Variants in CNTNAP2 observed in about 807,000 individuals in gnomAD.
The protein encoded by CNTNAP2 is contactin-associated protein-like 2.
In CNTNAP2, 98 loss-of-function variants were observed where a neutral mutation model predicts 155.2. The ratio of observed to expected loss-of-function variants is 0.63; its 90% CI spans 0.54 to 0.75. The LOEUF (loss-of-function observed/expected upper bound fraction) is 0.75, where lower values mean the gene tolerates loss of function less well. CNTNAP2 is among the 30% of genes least tolerant of loss of function. The pLI is 0.00. For missense variants in CNTNAP2, 1,727 were observed against 1,688.1 expected (o/e 1.02, Z -0.40); for synonymous variants, 651 against 631.2 (o/e 1.03, Z -0.47).
chr7:147,595,538 G>A (rs983983146), intron 12 of CNTNAP2, among the ~76,000 whole-genome samples: 1 of 152,170 alleles, frequency 6.6e-6, no homozygotes, highest in African/African-American at 2.4e-5. Context: ...CCCTACTGAT[G>A]TACATCATCT....
intron 1 of CNTNAP2, among the ~76,000 whole-genome samples, chr7:146,270,348 G>C (rs891019284): frequency 4.6e-5 from 7 of 152,144 alleles, no homozygotes; most frequent in African/African-American, 1.7e-4. Flanking sequence ...TGTGTGCTAG[G>C]TAAAATGAAT....
intron 1 of CNTNAP2, among the ~76,000 whole-genome samples, chr7:146,326,183 T>G (rs1801094495): frequency 6.6e-6 from 1 of 152,064 alleles, no homozygotes; most frequent in Non-Finnish European, 1.5e-5. Flanking sequence ...CGCATACACA[T>G]ACACATGCAC....
intron 1 of CNTNAP2, among the ~76,000 whole-genome samples, chr7:146,339,418 G>A (rs888334780): frequency 6.6e-6 from 1 of 151,900 alleles, no homozygotes; most frequent in Non-Finnish European, 1.5e-5. Flanking sequence ...TTCTTTTATG[G>A]GATATACAAT....
intron 1 of CNTNAP2, among the ~76,000 whole-genome samples, chr7:146,465,602 A>G (rs1051075197): frequency 6.6e-6 from 1 of 152,182 alleles, no homozygotes; most frequent in African/African-American, 2.4e-5. Context: ...TATGTGTGGC[A>G]GAATCACTTC....
At chr7:146,679,661 G>T (rs940050172) in intron 1 of CNTNAP2, among the ~76,000 whole-genome samples, 2 of 151,908 alleles carry the variant, frequency 1.3e-5, no homozygotes, top group East Asian at 3.9e-4. Context: ...GGCTGATCTT[G>T]TTTCTTTCTC....
chr7:147,482,651 G>GC (rs1348124817), intron 10 of CNTNAP2, among the ~76,000 whole-genome samples: 4 of 151,908 alleles, frequency 2.6e-5, no homozygotes, highest in Non-Finnish European at 4.4e-5. Flanking sequence ...AACCCAGGAG[G>GC]CAGAGCTTGC....
At chr7:146,334,566 G>T (rs759818958) in intron 1 of CNTNAP2, among the ~76,000 whole-genome samples, 4 of 143,418 alleles carry the variant, frequency 2.8e-5, no homozygotes, top group Non-Finnish European at 4.5e-5. Context: ...AAAAATAAAA[G>T]GTTATGAATT....
At chr7:146,842,102 C>T (rs571727455) in intron 3 of CNTNAP2, among the ~76,000 whole-genome samples, 1 of 151,900 alleles carries the variant, frequency 6.6e-6, no homozygotes, top group African/African-American at 2.4e-5. Context: ...GGTCAGTCTG[C>T]TCTTGAATTC....
At chr7:148,162,790 G>A (rs1805574697) in intron 17 of CNTNAP2, among the ~76,000 whole-genome samples, 1 of 152,096 alleles carries the variant, frequency 6.6e-6, no homozygotes, top group East Asian at 1.9e-4. Flanking sequence ...CCATCCAGTA[G>A]TTCAAGATCA....
At chr7:148,022,402 G>A (rs1802296390) in intron 15 of CNTNAP2, among the ~76,000 whole-genome samples, 2 of 151,122 alleles carry the variant, frequency 1.3e-5, no homozygotes, top group Non-Finnish European at 2.9e-5. Flanking sequence ...CCGGGAGGCG[G>A]AAGTTGCAGT....
intron 10 of CNTNAP2, among the ~76,000 whole-genome samples, chr7:147,474,790 G>A (rs1798286389): frequency 1.3e-5 from 2 of 152,060 alleles, no homozygotes; most frequent in Admixed American, 6.6e-5. Context: ...CTGCTGATAG[G>A]GTAAGCTCAA....
chr7:146,974,853 G>C (rs1797876763), intron 3 of CNTNAP2, among the ~76,000 whole-genome samples: 1 of 151,850 alleles, frequency 6.6e-6, no homozygotes, highest in Non-Finnish European at 1.5e-5. Flanking sequence ...ACAAAAATTA[G>C]CCAGGTATGG....
At chr7:147,077,464 G>A (rs994024006) in intron 4 of CNTNAP2, among the ~76,000 whole-genome samples, 1 of 152,132 alleles carries the variant, frequency 6.6e-6, no homozygotes, top group African/African-American at 2.4e-5. Flanking sequence ...GTGATGAGCC[G>A]TTTCATATTC....
chr7:147,619,316 A>T (rs73468966), intron 12 of CNTNAP2, among the ~76,000 whole-genome samples: 13,693 of 152,254 alleles, frequency 0.09, 1,710 homozygotes, highest in African/African-American at 0.26. Flanking sequence ...TGGGAATAAG[A>T]TTCTTAATTT....
chr7:148,295,250 G>A (rs966522085), intron 21 of CNTNAP2, among the ~76,000 whole-genome samples: 3 of 152,060 alleles, frequency 2.0e-5, no homozygotes, highest in African/African-American at 7.2e-5. Context: ...CATTGGTCTC[G>A]TACAAACCAA....
intron 10 of CNTNAP2, among the ~76,000 whole-genome samples, chr7:147,440,188 T>G (rs564396116): frequency 6.6e-5 from 10 of 152,082 alleles, no homozygotes; most frequent in Non-Finnish European, 1.3e-4. Flanking sequence ...TTTTCTCTGA[T>G]TATATAATTT....
At chr7:146,117,617 G>C (rs1797504384) in intron 1 of CNTNAP2, among the ~76,000 whole-genome samples, 1 of 152,088 alleles carries the variant, frequency 6.6e-6, no homozygotes, top group Non-Finnish European at 1.5e-5. Flanking sequence ...CGTTAATGTA[G>C]TAATAAACAG....
intron 11 of CNTNAP2, among the ~76,000 whole-genome samples, chr7:147,511,911 G>A (rs1799029981): frequency 6.6e-6 from 1 of 152,152 alleles, no homozygotes; most frequent in Non-Finnish European, 1.5e-5. Flanking sequence ...AGGTACAGGT[G>A]CCAACGTAAA....
At chr7:148,034,488 C>A (rs978127600) in intron 15 of CNTNAP2, among the ~76,000 whole-genome samples, 1 of 152,030 alleles carries the variant, frequency 6.6e-6, no homozygotes, top group African/African-American at 2.4e-5. Context: ...TGAGTTTGAC[C>A]CCCTCTTGCC....
Sources: gnomAD v4.1 joint callset for allele counts (sites outside exome capture counted in the v4.1 genomes callset) on GRCh38, gnomAD v4.1.1 for gene constraint, MANE v1.5 for transcripts, NCBI Gene and HGNC (gene_info 2026-07-23, HGNC 2026-07-21) for gene names.